Variants in NCK2 observed in about 807,000 individuals in gnomAD.
NCK2 encodes the protein cytoplasmic protein NCK2.
Under a neutral mutation model 33.9 loss-of-function variants are expected in NCK2, and 16 were observed. The ratio of observed to expected loss-of-function variants is 0.47; its 90% CI spans 0.32 to 0.72. The LOEUF (loss-of-function observed/expected upper bound fraction) is 0.72, where lower values mean the gene tolerates loss of function less well. Ranked by LOEUF, NCK2 falls within the 30% of genes least tolerant of loss-of-function variation. NCK2 has a pLI of 0.03. For missense variants in NCK2, 418 were observed against 537.3 expected (o/e 0.78, Z 2.19); for synonymous variants, 273 against 239.9 (o/e 1.14, Z -1.27).
intron 1 of NCK2, among the ~76,000 whole-genome samples, chr2:105,772,726 A>G (rs1690173449): frequency 6.6e-6 from 1 of 151,448 alleles, no homozygotes; most frequent in South Asian, 2.1e-4. Context: ...TTTCCCCGAA[A>G]CTCTTCTTTC....
intron 2 of NCK2, 84 bp downstream of exon 2, chr2:105,816,697 A>G (rs1056742211): frequency 6.6e-6 from 1 of 152,224 alleles, no homozygotes; most frequent in Non-Finnish European, 1.5e-5. Context: ...TTAGTAAAAT[A>G]TCAGTCAGTG....
At chr2:105,805,222 G>A (rs767908154) in intron 1 of NCK2, among the ~76,000 whole-genome samples, 3 of 152,216 alleles carry the variant, frequency 2.0e-5, no homozygotes, top group Non-Finnish European at 4.4e-5. Context: ...TTGATTGCAC[G>A]ATGGCATTGG....
Position 105,881,616 on chromosome 2 carries a change from C to G in NCK2, c.515C>G (p.Ala172Gly). ...TACGTCTTGGAGGAGGTGGACGAGG[C>G]GGCTGCGGAGTCCCCAAGCTTCCTG... ...SNYVLEEVDE[A>G]AAESPSFLSL... Residue 172 changes from alanine (A) to glycine (G), a missense_variant, in exon 4 of 5, where the codon GCG becomes GGG. Coordinates refer to ENST00000233154, the MANE Select transcript of NCK2 (RefSeq NM_003581.5). The G allele has an allele frequency of 6.2e-7, 1 of 1,613,522 alleles. No individual in the cohort carries two copies. The highest frequency in any genetic ancestry group is 8.5e-7 in the Non-Finnish European group (1 of 1,179,868).
chr2:105,893,473 C>T lies in NCK2; in HGVS notation c.*297C>T. 1 of 331,724 alleles carries T rather than the reference C, an allele frequency of 3.0e-6. No individual in the cohort carries two copies. The highest frequency in any genetic ancestry group is 4.3e-5 in the South Asian group (1 of 23,126). 20.5% of individuals were successfully genotyped at this position (331,724 alleles called of 1,614,324 possible). ...ACTCGTTCCCGCTCATGGAACCCCT[C>T]TTTAAAAAGACGCAGGGCACCTGTG... On this transcript the variant is annotated 3_prime_UTR_variant, in exon 5 of 5. Coordinates refer to ENST00000233154, the MANE Select transcript of NCK2 (RefSeq NM_003581.5).
chr2:105,785,123 C>T (rs1283461570), intron 1 of NCK2, among the ~76,000 whole-genome samples: 10 of 152,172 alleles, frequency 6.6e-5, no homozygotes, highest in Admixed American at 5.9e-4. Flanking sequence ...GGACTACAGG[C>T]GCCGGCCACC....
chr2:105,891,080 C>T (rs1265574608), intron 4 of NCK2, among the ~76,000 whole-genome samples: 1 of 152,194 alleles, frequency 6.6e-6, no homozygotes, highest in African/African-American at 2.4e-5. Flanking sequence ...ATGCTCAGCT[C>T]CACATTGTCC....
At position 105,894,021 on chromosome 2, in the gene NCK2, TA is replaced by T; in HGVS notation, c.*846del. 2.5e-5 allele frequency: 1 copy of T among 39,408 alleles called. No individual in the cohort carries two copies. Among genetic ancestry groups the T allele is most frequent in the African/African-American group, 8.8e-5 (1 of 11,382 alleles). The allele number at this position is 39,408 out of a possible 1,614,324, so 2.4% of individuals were successfully genotyped here. A position where few individuals can be genotyped will look rare whatever the true frequency, so the allele number is the denominator to read the frequency against. On this transcript the variant is annotated 3_prime_UTR_variant, in exon 5 of 5. Coordinates refer to ENST00000233154, the MANE Select transcript of NCK2 (RefSeq NM_003581.5). ...CGTGCACACACACACACACACACACTATATATATATATATTATTTACAGGGA... is the reference window on the plus strand; with the variant it reads ...CGTGCACACACACACACACACACACTTATATATATATATTATTTACAGGGA...
At chr2:105,791,240 T>C (rs758437340) in intron 1 of NCK2, among the ~76,000 whole-genome samples, 5 of 152,224 alleles carry the variant, frequency 3.3e-5, no homozygotes, top group African/African-American at 4.8e-5. Flanking sequence ...CTTAAGAGAA[T>C]GTTGATTCAT....
intron 1 of NCK2, among the ~76,000 whole-genome samples, chr2:105,778,133 T>C (rs764934021): frequency 4.6e-4 from 70 of 152,254 alleles, no homozygotes; most frequent in Non-Finnish European, 7.9e-4. Context: ...CAAGATGTGT[T>C]GTGAAGGAGA....
intron 2 of NCK2, among the ~76,000 whole-genome samples, chr2:105,845,293 G>A (rs943400708): frequency 8.5e-5 from 13 of 152,164 alleles, no homozygotes; most frequent in Non-Finnish European, 1.5e-4. Flanking sequence ...AAATCAGGCA[G>A]GGAATCGTGA....
intron 3 of NCK2, among the ~76,000 whole-genome samples, chr2:105,876,570 T>TC (rs555257064): frequency 2.9e-4 from 44 of 152,324 alleles, no homozygotes; most frequent in African/African-American, 1.0e-3. Flanking sequence ...GGCTATGGTT[T>TC]CATTATGGTA....
chr2:105,799,782 C>A (rs1194425590), intron 1 of NCK2, among the ~76,000 whole-genome samples: 3 of 152,174 alleles, frequency 2.0e-5, no homozygotes, highest in Admixed American at 6.5e-5. Flanking sequence ...TAAGATAGAT[C>A]CATTTCAAGA....
At chr2:105,765,480 T>C (rs1313853460) in intron 1 of NCK2, among the ~76,000 whole-genome samples, 1 of 152,202 alleles carries the variant, frequency 6.6e-6, no homozygotes, top group Non-Finnish European at 1.5e-5. Context: ...GTCCCTTCTT[T>C]GAAGGGACTC....
At chr2:105,761,603 C>T (rs1689765610) in intron 1 of NCK2, among the ~76,000 whole-genome samples, 1 of 152,154 alleles carries the variant, frequency 6.6e-6, no homozygotes, top group Non-Finnish European at 1.5e-5. Context: ...CAGAGTGGCT[C>T]ATAGTGGCTC....
At chr2:105,791,454 C>T (rs1690880831) in intron 1 of NCK2, among the ~76,000 whole-genome samples, 1 of 152,164 alleles carries the variant, frequency 6.6e-6, no homozygotes, top group Admixed American at 6.5e-5. Flanking sequence ...GTAGGGAGTG[C>T]ACCCTCGCCC....
intron 1 of NCK2, among the ~76,000 whole-genome samples, chr2:105,758,121 A>T (rs1027355923): frequency 6.6e-6 from 1 of 152,200 alleles, no homozygotes; most frequent in Non-Finnish European, 1.5e-5. Flanking sequence ...CTTAAAAATG[A>T]GTTAAACTAC....
chr2:105,849,646 A>G (rs899171733), intron 2 of NCK2, among the ~76,000 whole-genome samples: 4 of 152,150 alleles, frequency 2.6e-5, no homozygotes, highest in African/African-American at 9.7e-5. Flanking sequence ...AGGAAGTCAG[A>G]CAAGAGGGCT....
intron 3 of NCK2, among the ~76,000 whole-genome samples, chr2:105,874,997 C>T (rs1425451632): frequency 1.3e-5 from 2 of 152,214 alleles, no homozygotes; most frequent in African/African-American, 2.4e-5. Flanking sequence ...TACTTTCTGT[C>T]TGCTCACTGA....
intron 2 of NCK2, among the ~76,000 whole-genome samples, chr2:105,848,843 G>A (rs1012510989): frequency 2.6e-5 from 4 of 152,210 alleles, no homozygotes; most frequent in African/African-American, 4.8e-5. Context: ...GAGCCACAGC[G>A]AAGTAGATTG....
Sources: gnomAD v4.1 joint callset for allele counts (sites outside exome capture counted in the v4.1 genomes callset) on GRCh38, gnomAD v4.1.1 for gene constraint, MANE v1.5 for transcripts, NCBI Gene and HGNC (gene_info 2026-07-23, HGNC 2026-07-21) for gene names.